The following RUFY4 variants were observed in gnomAD, a reference collection of about 807,000 sequenced individuals.
RUFY4 encodes RUN and FYVE domain-containing protein 4.
Under a neutral mutation model 69.0 loss-of-function variants are expected in RUFY4, and 73 were observed. The ratio of observed to expected loss-of-function variants is 1.06; its 90% CI spans 0.88 to 1.29. RUFY4 has a LOEUF of 1.29. Ranked by LOEUF, RUFY4 falls within the 50% of genes most tolerant of loss-of-function variation. The pLI is 0.00. For missense variants in RUFY4, 770 were observed against 705.6 expected (o/e 1.09, Z -1.03); for synonymous variants, 287 against 271.8 (o/e 1.06, Z -0.55).
At chr2:218,088,806 C>T (rs1370639698) in intron 9 of RUFY4, among the ~76,000 whole-genome samples, 1 of 152,054 alleles carries the variant, frequency 6.6e-6, no homozygotes, top group Non-Finnish European at 1.5e-5. Context: ...CCATCTGTCT[C>T]CATATCTGTG....
intron 3 of RUFY4, 98 bp downstream of exon 5, chr2:218,072,597 C>T: frequency 1.4e-6 from 2 of 1,469,968 alleles, no homozygotes; most frequent in Non-Finnish European, 1.8e-6. Context: ...AGACCCCTCA[C>T]CTGCTCTGCA....
At chr2:218,061,957 T>C (rs1689205508) in intron 3 of RUFY4, among the ~76,000 whole-genome samples, 1 of 152,250 alleles carries the variant, frequency 6.6e-6, no homozygotes, top group Non-Finnish European at 1.5e-5. Context: ...GAAAGAAATG[T>C]TCTGGAAAAC....
At chr2:218,089,856 G>A in intron 10 of RUFY4, 96 bp from the exon 13 acceptor site, 1 of 833,402 alleles carries the variant, frequency 1.2e-6, no homozygotes, top group Non-Finnish European at 2.0e-6. Context: ...TGTCTCAGGT[G>A]GACCTGAAGA....
intron 10 of RUFY4, 29 bp downstream of exon 12, chr2:218,089,391 CTG>C (rs1187488779): frequency 3.8e-6 from 6 of 1,587,468 alleles, no homozygotes; most frequent in Non-Finnish European, 5.2e-6. Flanking sequence ...AATCCTCCCT[CTG>C]GGACAGCCCA....
intron 2 of RUFY4, among the ~76,000 whole-genome samples, chr2:218,053,216 A>G (rs1417722318): frequency 6.6e-6 from 1 of 152,302 alleles, no homozygotes; most frequent in South Asian, 2.1e-4. Flanking sequence ...TTTTTAACCT[A>G]ACATCGACTT....
In RUFY4 at chr2:218,070,998, A is replaced by C. The variant is rs1273956401; in HGVS notation, c.153+139A>C. 9.0e-6 allele frequency: 6 copies of C among 667,282 alleles called. No homozygotes were observed. In the Middle Eastern group the frequency reaches 1.2e-3, roughly 138 times the overall value. The allele number at this position is 667,282 out of a possible 1,614,324, so 41.3% of individuals were successfully genotyped here. ...CATCTCCCTCTCCCTCCTGACACCT[A>C]ACCTCACTCTTGGAGTTTGTCACTG... is the stretch of plus-strand genomic sequence containing the variant. On this transcript the variant is annotated intron_variant, in intron 2 of 10. Transcript: ENST00000344321.
At chr2:218,072,157 A>G (rs375786522) in intron 2 of RUFY4, among the ~76,000 whole-genome samples, 10 of 152,330 alleles carry the variant, frequency 6.6e-5, no homozygotes, top group African/African-American at 2.4e-4. Flanking sequence ...AGAGCTCAAT[A>G]AGGGCCTCTG....
chr2:218,086,071 GAAATTAAAAATT>G (rs1315885294), intron 9 of RUFY4, among the ~76,000 whole-genome samples: 9 of 152,080 alleles, frequency 5.9e-5, no homozygotes, highest in African/African-American at 2.2e-4. Flanking sequence ...AACATTCTTG[GAAATTAAAAATT>G]AAATTAAAAT....
chr2:218,056,137 A>T (rs73082348), intron 2 of RUFY4, among the ~76,000 whole-genome samples: 1 of 152,022 alleles, frequency 6.6e-6, no homozygotes, highest in Non-Finnish European at 1.5e-5. Context: ...AACAGGTCTC[A>T]ATTTGATTTG....
intron 3 of RUFY4, 66 bp downstream of exon 5, chr2:218,072,565 C>T (rs1186225946): frequency 2.6e-6 from 4 of 1,519,680 alleles, no homozygotes; most frequent in East Asian, 4.9e-5. Flanking sequence ...CTCCTTTTCC[C>T]CCACCCTGCT....
At chr2:218,085,341 C>A (rs761589976) in intron 9 of RUFY4, among the ~76,000 whole-genome samples, 4 of 152,014 alleles carry the variant, frequency 2.6e-5, no homozygotes, top group Non-Finnish European at 5.9e-5. Context: ...GAAAATACGA[C>A]CCTAAGCAAA....
chr2:218,039,733 A>T (rs1046276793), intron 2 of RUFY4, among the ~76,000 whole-genome samples: 1 of 152,192 alleles, frequency 6.6e-6, no homozygotes, highest in African/African-American at 2.4e-5. Context: ...CCCCAGCTCT[A>T]TGGTCTCTCT....
intron 2 of RUFY4, among the ~76,000 whole-genome samples, chr2:218,036,353 G>A (rs1344634236): frequency 1.3e-5 from 2 of 152,072 alleles, no homozygotes; most frequent in South Asian, 4.1e-4. Flanking sequence ...GAGAGAGTTG[G>A]GCAGTGAGAC....
chr2:218,068,338 G>T (rs1446845949), upstream of RUFY4, among the ~76,000 whole-genome samples: 1 of 152,098 alleles, frequency 6.6e-6, no homozygotes, highest in Non-Finnish European at 1.5e-5. Context: ...AATTGGGAGG[G>T]CAAGAAAGAG....
intron 10 of RUFY4, 60 bp downstream of exon 12, chr2:218,089,422 C>T (rs1013884786): frequency 1.3e-5 from 18 of 1,402,996 alleles, no homozygotes; most frequent in Non-Finnish European, 1.8e-5. Flanking sequence ...CAGCTGACAG[C>T]CCCCACCCAC....
Position 218,076,446 on chromosome 2 carries a change from G to A in RUFY4, c.1268G>A (p.Arg423Gln), listed in dbSNP as rs963842263. 7.8e-5 allele frequency: 121 copies of A among 1,549,722 alleles called. No individual in the cohort carries two copies. The highest frequency in any genetic ancestry group is 3.7e-4 in the Middle Eastern group (2 of 5,342). Residue 423 changes from arginine to glutamine, a missense_variant, in exon 8 of 11, where the codon CGG becomes CAG. Transcript: ENST00000344321. The stretch of plus-strand genomic sequence containing the variant: ...CCACAGAGCCTCAGACTTGGGCTCC[G>A]GAAGGCTGAGGAGCAGGCCCAGCGC...
upstream of RUFY4, among the ~76,000 whole-genome samples, chr2:218,067,497 T>G (rs1689368964): frequency 6.6e-6 from 1 of 152,110 alleles, no homozygotes; most frequent in African/African-American, 2.4e-5. Context: ...AGGTGATGGG[T>G]GCAGGCTGCT....
At chr2:218,055,752 T>C (rs1689046794) in intron 2 of RUFY4, among the ~76,000 whole-genome samples, 1 of 152,140 alleles carries the variant, frequency 6.6e-6, no homozygotes, top group African/African-American at 2.4e-5. Flanking sequence ...GATGTATGGG[T>C]CCACCCAGAA....
chr2:218,083,414 T>C (rs1338830541), intron 9 of RUFY4, among the ~76,000 whole-genome samples, 158 bp downstream of exon 11: 1 of 152,172 alleles, frequency 6.6e-6, no homozygotes, highest in Non-Finnish European at 1.5e-5. Context: ...CACTCCCTGC[T>C]GTTATCCCCA....
Sources: gnomAD v4.1 joint callset for allele counts (sites outside exome capture counted in the v4.1 genomes callset) on GRCh38, gnomAD v4.1.1 for gene constraint, MANE v1.5 for transcripts, NCBI Gene and HGNC (gene_info 2026-07-23, HGNC 2026-07-21) for gene names.